Variants in MSRA observed in about 807,000 individuals in gnomAD.
The protein encoded by MSRA is methionine sulfoxide reductase A.
Under a neutral mutation model 31.3 loss-of-function variants are expected in MSRA, and 54 were observed. That is an observed-to-expected ratio of 1.73 (90% confidence interval 1.39 to 2.17). MSRA has a LOEUF of 2.17. Among genes scored for constraint, MSRA ranks in the 30% most tolerant of loss-of-function variants. The probability of loss-of-function intolerance (pLI) is 0.00; values close to 1 mark genes in which losing one functional copy is unlikely to be tolerated. For synonymous variants in MSRA, 169 were observed against 116.5 expected (o/e 1.45, Z -2.90); for missense variants, 507 against 300.9 (o/e 1.69, Z -5.07).
chr8:10,249,336 C>G (rs1797795504), intron 3 of MSRA, among the ~76,000 whole-genome samples: 1 of 152,104 alleles, frequency 6.6e-6, no homozygotes, highest in Non-Finnish European at 1.5e-5. Context: ...GTCATTCTCT[C>G]CAAATTGAGT....
rs181252264 is a variant in MSRA at position 10,207,952 on chromosome 8, C to G, written c.211+51C>G. On this transcript the variant is annotated intron_variant, in intron 2 of 5. Transcript: ENST00000317173. ...CCCAAATTGTGTGCAAAGACTAGTG[C>G]CAAATTTCTTAGTTTTAGCAAGTGT... 3 of 1,470,554 alleles carry G rather than the reference C, an allele frequency of 2.0e-6. No individual in the cohort carries two copies. The African/African-American group carries it at 4.2e-5, about 21-fold the overall frequency. 91.1% of individuals were successfully genotyped at this position (1,470,554 alleles called of 1,614,324 possible).
At chr8:10,076,510 C>A (rs542050902) in intron 1 of MSRA, among the ~76,000 whole-genome samples, 2 of 152,200 alleles carry the variant, frequency 1.3e-5, no homozygotes, top group Admixed American at 1.3e-4. Context: ...GGAAAAGATT[C>A]TCTCAAAATG....
intron 3 of MSRA, among the ~76,000 whole-genome samples, chr8:10,247,235 A>G (rs865871171): frequency 6.6e-5 from 10 of 152,176 alleles, no homozygotes; most frequent in South Asian, 2.1e-4. Context: ...GTCAGCTTCT[A>G]TCTTTTACAG....
chr8:10,423,281 AG>A (rs1385141211), intron 5 of MSRA, among the ~76,000 whole-genome samples: 1 of 152,176 alleles, frequency 6.6e-6, no homozygotes, highest in Non-Finnish European at 1.5e-5. Context: ...TCCGGATCTA[AG>A]GCGTTCCATC....
intron 5 of MSRA, among the ~76,000 whole-genome samples, chr8:10,367,633 G>A (rs1018632957): frequency 1.3e-5 from 2 of 152,228 alleles, no homozygotes; most frequent in Non-Finnish European, 2.9e-5. Flanking sequence ...AGGCACAGAG[G>A]TGTTGACTTT....
intron 4 of MSRA, among the ~76,000 whole-genome samples, chr8:10,313,573 C>A (rs1477503170): frequency 6.6e-6 from 1 of 151,608 alleles, no homozygotes; most frequent in Non-Finnish European, 1.5e-5. Context: ...GGTTGGTAAA[C>A]ACACCAATTC....
intron 4 of MSRA, among the ~76,000 whole-genome samples, chr8:10,306,755 C>T (rs894845558): frequency 2.6e-5 from 4 of 152,242 alleles, no homozygotes; most frequent in African/African-American, 4.8e-5. Flanking sequence ...GCGTGGGACT[C>T]GGGGCACAGA....
intron 1 of MSRA, among the ~76,000 whole-genome samples, chr8:10,059,739 A>G (rs1802600402): frequency 6.6e-6 from 1 of 152,244 alleles, no homozygotes; most frequent in South Asian, 2.1e-4. Context: ...AATTCATATC[A>G]TAGGTGAAGG....
chr8:10,352,619 C>T (rs753578678), intron 5 of MSRA, among the ~76,000 whole-genome samples: 8 of 152,052 alleles, frequency 5.3e-5, no homozygotes, highest in Non-Finnish European at 8.8e-5. Context: ...CATTTTGTCT[C>T]GGTAAAATGC....
intron 2 of MSRA, among the ~76,000 whole-genome samples, chr8:10,224,005 A>G (rs1207508869): frequency 2.6e-5 from 4 of 152,212 alleles, no homozygotes; most frequent in Non-Finnish European, 5.9e-5. Context: ...TTCTGGGTCC[A>G]TGGCAAATCA....
At chr8:10,369,790 A>G (rs1482593626) in intron 5 of MSRA, among the ~76,000 whole-genome samples, 1 of 152,206 alleles carries the variant, frequency 6.6e-6, no homozygotes, top group African/African-American at 2.4e-5. Flanking sequence ...AATACTCTTT[A>G]AAAACAGTCA....
At chr8:10,098,994 C>G (rs1319393246) in intron 1 of MSRA, among the ~76,000 whole-genome samples, 1 of 152,204 alleles carries the variant, frequency 6.6e-6, no homozygotes, top group African/African-American at 2.4e-5. Flanking sequence ...CTCCCACATC[C>G]TGAGGCCAGC....
intron 5 of MSRA, among the ~76,000 whole-genome samples, chr8:10,338,739 G>A (rs763896304): frequency 2.6e-4 from 39 of 152,210 alleles, no homozygotes; most frequent in Non-Finnish European, 4.7e-4. Flanking sequence ...TGCCACCTGT[G>A]TACTGAAAGC....
chr8:10,084,076 T>G (rs1284778969), intron 1 of MSRA, among the ~76,000 whole-genome samples: 1 of 152,202 alleles, frequency 6.6e-6, no homozygotes, highest in Non-Finnish European at 1.5e-5. Context: ...TAAGAGGCTG[T>G]TGGGTGCCAT....
chr8:10,208,726 C>G (rs1483868914), intron 2 of MSRA, among the ~76,000 whole-genome samples: 1 of 152,176 alleles, frequency 6.6e-6, no homozygotes, highest in Non-Finnish European at 1.5e-5. Context: ...AGCTGCCTCC[C>G]TTGGTTCCTT....
rs115053782 is a variant in MSRA at position 10,115,997 on chromosome 8, G to A, written c.142+61339G>A. Among the ~76,000 whole-genome samples, 1,100 of 152,320 alleles carry A rather than the reference G, an allele frequency of 7.2e-3. 8 individuals are homozygous for A. Among genetic ancestry groups the A allele is most frequent in the African/African-American group, 0.025 (1,031 of 41,564 alleles). On this transcript the variant is annotated intron_variant, in intron 1 of 5. Transcript: ENST00000317173. ...ACCTCCCACTTGATTCACGCATGGT[G>A]GCTCGAGGGGACAGAGATGTGAGAT...
At chr8:10,186,930 C>G (rs1807107046) in intron 1 of MSRA, among the ~76,000 whole-genome samples, 1 of 152,156 alleles carries the variant, frequency 6.6e-6, no homozygotes, top group African/African-American at 2.4e-5. Flanking sequence ...TTTGTGTGAG[C>G]TGTCATCAGT....
chr8:10,247,995 C>T lies in MSRA; in HGVS notation c.331+2772C>T, dbSNP rs1264886287. 2.0e-5 allele frequency among the ~76,000 whole-genome samples: 3 copies of T among 152,254 alleles called. No homozygotes were observed. In the East Asian group the frequency reaches 5.8e-4, roughly 29 times the overall value. ...GGTGGGGGAGACATAAAGCAGGTTA[C>T]ACTGGCGGGCCTCCCCTCTGAAGCC... On this transcript the variant is annotated intron_variant, in intron 3 of 5. Coordinates refer to ENST00000317173, the MANE Select transcript of MSRA (RefSeq NM_012331.5).
chr8:10,126,688 T>G (rs1215124922), intron 1 of MSRA, among the ~76,000 whole-genome samples: 1 of 152,100 alleles, frequency 6.6e-6, no homozygotes, highest in Non-Finnish European at 1.5e-5. Flanking sequence ...AATTTTTGTA[T>G]TTTTTAGTAG....
Sources: gnomAD v4.1 joint callset for allele counts (sites outside exome capture counted in the v4.1 genomes callset) on GRCh38, gnomAD v4.1.1 for gene constraint, MANE v1.5 for transcripts, NCBI Gene and HGNC (gene_info 2026-07-23, HGNC 2026-07-21) for gene names.